Variants in NUP205 observed in about 807,000 individuals in gnomAD.
NUP205 encodes nucleoporin 205.
NUP205 carries 76 observed loss-of-function variants against 253.8 expected under a neutral mutation model. That is an observed-to-expected ratio of 0.30 (90% CI 0.25 to 0.36). The LOEUF is 0.36. Among genes scored for constraint, NUP205 ranks in the 10% least tolerant of loss-of-function variants. NUP205 has a pLI of 1.00. For missense variants in NUP205, 2,162 were observed against 2,425.5 expected (o/e 0.89, Z 2.28); for synonymous variants, 832 against 850.1 (o/e 0.98, Z 0.37).
At chr7:135,635,212 G>C (rs1001366937) in intron 35 of NUP205, 3 of 155,056 alleles carry the variant, frequency 1.9e-5, no homozygotes, top group African/African-American at 7.2e-5. Flanking sequence ...TGTATATTTA[G>C]AGGTGTTAAA....
chr7:135,591,328 T>A, intron 10 of NUP205, 122 bp from the exon 11 acceptor site: 1 of 717,652 alleles, frequency 1.4e-6, no homozygotes, highest in Non-Finnish European at 2.3e-6. Context: ...GTTAAATTTG[T>A]CTGTTGCGAG....
intron 22 of NUP205, among the ~76,000 whole-genome samples, chr7:135,608,057 C>T (rs1222301145): frequency 3.4e-5 from 5 of 146,192 alleles, no homozygotes; most frequent in Non-Finnish European, 6.0e-5. Context: ...TATGGAGTCT[C>T]GCTCTGTTGC....
intron 30 of NUP205, 132 bp from the exon 31 acceptor site, chr7:135,622,645 C>G (rs931411569): frequency 1.3e-6 from 1 of 759,572 alleles, no homozygotes. Flanking sequence ...TGTGTACAAG[C>G]AGTGATGGAA....
intron 22 of NUP205, among the ~76,000 whole-genome samples, chr7:135,610,993 C>T (rs1794217014): frequency 6.7e-6 from 1 of 149,312 alleles, no homozygotes; most frequent in South Asian, 2.1e-4. Flanking sequence ...TTTTTGTGTC[C>T]TTCTCTTCTT....
At chr7:135,637,878 AAG>A in intron 36 of NUP205, 51 bp from the exon 37 acceptor site, 2 of 1,537,572 alleles carry the variant, frequency 1.3e-6, no homozygotes. Context: ...TCCCTCAAGA[AAG>A]AGAGGTTACT....
rs116818905 is a variant in NUP205, at chr7:135,591,584, C to T, written c.1608C>T (p.Val536=). 468 of 1,612,586 alleles carry T rather than the reference C, an allele frequency of 2.9e-4. 2 individuals are homozygous for T. In the African/African-American group the frequency reaches 5.7e-3, roughly 20 times the overall value. ...ACTACTGTTTCAGCCTGCTCAAAGTCAATGGTAGTAGTCATGGTAAGGAAT... is the reference window on the plus strand; with the variant it reads ...ACTACTGTTTCAGCCTGCTCAAAGTTAATGGTAGTAGTCATGGTAAGGAAT... The part of the protein sequence containing the change: ...CAHYCFSLLK[V]NGSSHVENIQ... Residue 536 remains valine (V), a synonymous_variant, in exon 11 of 43, where the codon GTC becomes GTT. Transcript: ENST00000285968.
At chr7:135,605,052 GA>G (rs1216070032) in intron 19 of NUP205, among the ~76,000 whole-genome samples, 2 of 150,160 alleles carry the variant, frequency 1.3e-5, no homozygotes, top group African/African-American at 2.5e-5. Flanking sequence ...GCTAGTTGAA[GA>G]ATTTTTTTTT....
intron 32 of NUP205, 59 bp downstream of exon 32, chr7:135,625,414 T>G: frequency 1.6e-6 from 2 of 1,264,578 alleles, no homozygotes; most frequent in Non-Finnish European, 1.1e-6. Context: ...TGGCTATAGA[T>G]GTATTAAAGA....
At chr7:135,610,558 C>T (rs373375241) in intron 22 of NUP205, among the ~76,000 whole-genome samples, 5 of 151,016 alleles carry the variant, frequency 3.3e-5, no homozygotes, top group East Asian at 3.9e-4. Flanking sequence ...CAAATATGGC[C>T]CAGGGACCAG....
intron 30 of NUP205, among the ~76,000 whole-genome samples, chr7:135,622,364 A>G (rs1264030387): frequency 6.6e-6 from 1 of 150,582 alleles, no homozygotes; most frequent in Admixed American, 6.6e-5. Flanking sequence ...TGGAGGCTGC[A>G]GTGAGCCAAG....
intron 1 of NUP205, among the ~76,000 whole-genome samples, chr7:135,559,633 A>AGT (rs1262305539): frequency 6.6e-6 from 1 of 150,604 alleles, no homozygotes; most frequent in African/African-American, 2.4e-5. Flanking sequence ...GGCCTCCCAA[A>AGT]GTGGTAGGTT....
At chr7:135,581,533 A>G (rs74823689) in intron 7 of NUP205, among the ~76,000 whole-genome samples, 5,151 of 151,886 alleles carry the variant, frequency 0.034, 117 homozygotes, top group Middle Eastern at 0.096. Flanking sequence ...TGACAGAGTG[A>G]GATCACATCT....
In NUP205 at chr7:135,599,441, A is replaced by G. The variant is rs1191705180; in HGVS notation, c.2274+1234A>G. On this transcript the variant is annotated intron_variant, in intron 15 of 42. Transcript: ENST00000285968. ...GGGGTATACACTTTACTTAGGCTCT[A>G]GAACTTAACATGTATTTCCTGATGG... 2.0e-5 allele frequency among the ~76,000 whole-genome samples: 3 copies of G among 152,176 alleles called. No individual in the cohort carries two copies. The East Asian group carries it at 5.8e-4, about 29-fold the overall frequency.
intron 42 of NUP205, among the ~76,000 whole-genome samples, chr7:135,647,482 C>A (rs1159582176): frequency 6.6e-6 from 1 of 152,130 alleles, no homozygotes; most frequent in Non-Finnish European, 1.5e-5. Flanking sequence ...AGGCCATGTG[C>A]AAAATTAGCC....
chr7:135,621,644 C>T (rs955962705), intron 30 of NUP205, among the ~76,000 whole-genome samples: 1 of 152,090 alleles, frequency 6.6e-6, no homozygotes, highest in East Asian at 1.9e-4. Flanking sequence ...TCATACTGTT[C>T]CTAATCATTG....
chr7:135,638,689 CTTAGTTT>C lies in NUP205; in HGVS notation c.5392+9_5392+15del. ...TAGAGATGGACCGCGGCAAGGTGAG[CTTAGTTT>C]TTCATTCTGTATTGAAGGAACTAAG... On this transcript the variant is annotated splice_region_variant and intron_variant, in intron 38 of 42. Coordinates refer to ENST00000285968, the MANE Select transcript of NUP205 (RefSeq NM_015135.3). 3 of 1,614,110 alleles carry C rather than the reference CTTAGTTT, an allele frequency of 1.9e-6. No homozygotes were observed. Among genetic ancestry groups the C allele is most frequent in the Non-Finnish European group, 2.5e-6 (3 of 1,180,014 alleles).
chr7:135,590,268 T>C (rs567526744), intron 10 of NUP205, among the ~76,000 whole-genome samples: 5 of 150,444 alleles, frequency 3.3e-5, no homozygotes, highest in Non-Finnish European at 7.4e-5. Context: ...CCCGCCATCA[T>C]GCCCAGCTAA....
intron 32 of NUP205, among the ~76,000 whole-genome samples, 160 bp from the exon 33 acceptor site, chr7:135,626,080 A>T (rs970439203): frequency 2.0e-5 from 3 of 152,216 alleles, no homozygotes; most frequent in African/African-American, 7.2e-5. Flanking sequence ...TCCTCATGAA[A>T]ATCCTAGGAA....
At chr7:135,577,287 A>T (rs191210616) in intron 5 of NUP205, among the ~76,000 whole-genome samples, 159 bp downstream of exon 5, 1 of 152,200 alleles carries the variant, frequency 6.6e-6, no homozygotes, top group Non-Finnish European at 1.5e-5. Flanking sequence ...TTTCATTGAC[A>T]CAAAACTGTA....
Sources: allele counts gnomAD v4.1 joint callset (sites outside exome capture counted in the v4.1 genomes callset), GRCh38; gene constraint gnomAD v4.1.1; transcripts MANE v1.5; gene names NCBI Gene and HGNC (gene_info 2026-07-23, HGNC 2026-07-21).